The following SLC13A4 variants were observed in gnomAD, a reference collection of about 807,000 sequenced individuals.
SLC13A4 encodes solute carrier family 13 member 4, also known as Na(+)/sulfate cotransporter SUT-1.
A neutral mutation model predicts 72.7 loss-of-function variants in SLC13A4; 28 were observed. The ratio of observed to expected loss-of-function variants is 0.39; its 90% CI spans 0.29 to 0.53. The LOEUF (loss-of-function observed/expected upper bound fraction) is 0.53, where lower values mean the gene tolerates loss of function less well. Among genes scored for constraint, SLC13A4 ranks in the 20% least tolerant of loss-of-function variants. The pLI is 0.78. For missense variants in SLC13A4, 653 were observed against 788.0 expected, an observed-to-expected ratio of 0.83 and a Z score of 2.05; for synonymous variants, 312 against 325.5, an observed-to-expected ratio of 0.96 and a Z score of 0.45.
intron 5 of SLC13A4, 166 bp downstream of exon 5, chr7:135,705,430 T>C (rs1584730274): frequency 3.8e-6 from 2 of 523,040 alleles, no homozygotes; most frequent in East Asian, 3.1e-5. Context: ...CTCCTAGGTA[T>C]GGAGAGGAAA....
chr7:135,720,577 A>G (rs1374071883), intron 2 of SLC13A4, among the ~76,000 whole-genome samples: 1 of 150,850 alleles, frequency 6.6e-6, no homozygotes, highest in Non-Finnish European at 1.5e-5. Context: ...AAAAAAAACC[A>G]AAAACAAAAC....
At chr7:135,715,134 T>A (rs547686528) in intron 2 of SLC13A4, among the ~76,000 whole-genome samples, 98 of 151,558 alleles carry the variant, frequency 6.5e-4, no homozygotes, top group Non-Finnish European at 1.0e-3. Flanking sequence ...TGTATGCGTG[T>A]GTGAGAATGT....
intron 2 of SLC13A4, among the ~76,000 whole-genome samples, chr7:135,720,090 T>C (rs1054528721): frequency 6.6e-6 from 1 of 152,104 alleles, no homozygotes; most frequent in Non-Finnish European, 1.5e-5. Flanking sequence ...TATTAGAGGA[T>C]TGCCTAATTC....
rs139276749 is a variant in SLC13A4 at position 135,721,496 on chromosome 7, C to G, written c.127G>C (p.Val43Leu). ...SEASCAYVLI[V>L]TAVYWVSEAV... The stretch of plus-strand genomic sequence containing the variant: ...TCCGACACCCAGTACACAGCAGTCA[C>G]GATCAGCACGTAAGCACACGAGGCC... Residue 43 changes from valine (V) to leucine (L), a missense_variant, in exon 2 of 16, where the codon GTG becomes CTG. Physicochemically the swap from Val to Leu is conservative, Grantham distance 32. Transcript: ENST00000682651. The G allele has an allele frequency of 1.2e-6, 2 of 1,614,044 alleles. No homozygotes were observed. Among genetic ancestry groups the G allele is most frequent in the Non-Finnish European group, 1.7e-6 (2 of 1,179,956 alleles).
chr7:135,702,618 C>T lies in SLC13A4; in HGVS notation c.633+227G>A, dbSNP rs151198132. The T allele has an allele frequency of 4.8e-4, 241 of 499,824 alleles. 1 individual carries two copies. The East Asian group carries it at 8.8e-3, about 18-fold the overall frequency. The allele number at this position is 499,824 out of a possible 1,614,324, so 31.0% of individuals were successfully genotyped here. The stretch of plus-strand genomic sequence containing the variant: ...CTTGAACTCCTGGCCTCAAGTGGTC[C>T]TCCTGCTGTGGCCTCCCAAAGTGCT... On this transcript the variant is annotated intron_variant, in intron 6 of 15. Coordinates refer to ENST00000682651, the MANE Select transcript of SLC13A4 (RefSeq NM_001318192.2).
rs778755833 is a variant in SLC13A4 at position 135,685,702 on chromosome 7, C to T, written c.1447-19G>A. On this transcript the variant is annotated intron_variant, in intron 13 of 15. Transcript: ENST00000682651. ...CAGAGCTCTGTAGGAAGAGGTGTTA[C>T]AGTAAGAAGAAAGGAGAAGAAGCAC... 3 of 1,600,294 alleles carry T rather than the reference C, an allele frequency of 1.9e-6. No homozygotes were observed. The Admixed American group carries it at 5.0e-5, about 27-fold the overall frequency.
chr7:135,689,624 T>C (rs1795729041), intron 13 of SLC13A4, among the ~76,000 whole-genome samples: 2 of 152,288 alleles, frequency 1.3e-5, no homozygotes, highest in Admixed American at 6.5e-5. Context: ...ATAATTATTA[T>C]CTAGGAGAGG....
In SLC13A4 at chr7:135,681,506, C is replaced by G; in HGVS notation, c.*57G>C. The G allele has an allele frequency of 1.3e-6, 2 of 1,577,342 alleles. No homozygotes were observed. The highest frequency in any genetic ancestry group is 1.7e-6 in the Non-Finnish European group (2 of 1,158,354). ...CCTAGTGGTTTTCTTTGCCTGTGGT[C>G]CAGATACTGCTGGATACTGGCAGCT... is the stretch of plus-strand genomic sequence containing the variant. On this transcript the variant is annotated 3_prime_UTR_variant, in exon 16 of 16. Coordinates refer to ENST00000682651, the MANE Select transcript of SLC13A4 (RefSeq NM_001318192.2).
At chr7:135,715,266 TGTGTATGA>T (rs1019983492) in intron 2 of SLC13A4, among the ~76,000 whole-genome samples, 17 of 150,992 alleles carry the variant, frequency 1.1e-4, no homozygotes, top group South Asian at 8.4e-4. Context: ...AGTGTGGGCA[TGTGTATGA>T]GTGTATGAGT....
intron 15 of SLC13A4, chr7:135,683,842 C>T: frequency 3.2e-6 from 3 of 945,720 alleles, no homozygotes; most frequent in East Asian, 1.2e-4. Flanking sequence ...TGCACAGGCT[C>T]ATGCCTTCTG....
chr7:135,691,714 G>A, intron 11 of SLC13A4, 69 bp from the exon 12 acceptor site: 1 of 1,106,438 alleles, frequency 9.0e-7, no homozygotes, highest in Non-Finnish European at 1.4e-6. Context: ...ATGTCTCGGA[G>A]CAGTCTGTCC....
chr7:135,696,058 G>A (rs954968515), intron 8 of SLC13A4, among the ~76,000 whole-genome samples: 1 of 152,222 alleles, frequency 6.6e-6, no homozygotes, highest in Non-Finnish European at 1.5e-5. Context: ...AGGCAGAGCT[G>A]TGGCCCCTCA....
intron 5 of SLC13A4, chr7:135,703,198 A>G (rs2129494608): frequency 2.8e-6 from 1 of 362,164 alleles, no homozygotes; most frequent in Non-Finnish European, 5.1e-6. Context: ...ACCCCCAGAC[A>G]TTGTTAATCC....
chr7:135,681,434 G>C lies in SLC13A4; in HGVS notation c.*129C>G, dbSNP rs1484003333. 8.6e-7 allele frequency: 1 copy of C among 1,168,694 alleles called. No homozygotes were observed. The highest frequency in any genetic ancestry group is 1.2e-6 in the Non-Finnish European group (1 of 838,186). 72.4% of individuals were successfully genotyped at this position (1,168,694 alleles called of 1,614,324 possible). On this transcript the variant is annotated 3_prime_UTR_variant, in exon 16 of 16. Transcript: ENST00000682651. ...CTTGAGGTGGCGGAATCTTCTGGTGGAGGGATGCCCTCCGGCGTGGGTCTG... is the reference window on the plus strand; with the variant it reads ...CTTGAGGTGGCGGAATCTTCTGGTGCAGGGATGCCCTCCGGCGTGGGTCTG...
chr7:135,701,633 A>G (rs997142762), intron 7 of SLC13A4, 47 bp downstream of exon 7: 4 of 1,581,686 alleles, frequency 2.5e-6, no homozygotes, highest in Middle Eastern at 1.7e-4. Context: ...GAAGCAGTTC[A>G]CAGCGTTTCA....
At chr7:135,713,665 C>T (rs1372402665) in intron 2 of SLC13A4, among the ~76,000 whole-genome samples, 3 of 152,108 alleles carry the variant, frequency 2.0e-5, no homozygotes, top group East Asian at 3.9e-4. Flanking sequence ...GCAACCTTGG[C>T]CTTACAGGTT....
intron 13 of SLC13A4, 81 bp from the exon 14 acceptor site, chr7:135,685,764 G>T: frequency 7.6e-7 from 1 of 1,312,880 alleles, no homozygotes; most frequent in Non-Finnish European, 1.1e-6. Flanking sequence ...GAAGGTCAGG[G>T]ATGTTGGAAG....
At chr7:135,703,749 A>T (rs1381370216) in intron 5 of SLC13A4, 2 of 152,274 alleles carry the variant, frequency 1.3e-5, no homozygotes, top group South Asian at 2.1e-4. Context: ...CACATGCGGG[A>T]TGTGGGTCCT....
chr7:135,688,867 T>G (rs1356230743), intron 13 of SLC13A4: 1 of 152,114 alleles, frequency 6.6e-6, no homozygotes, highest in Non-Finnish European at 1.5e-5. Context: ...TATTGTTTTT[T>G]TTTTGTTTTT....
Sources: allele counts gnomAD v4.1 joint callset (sites outside exome capture counted in the v4.1 genomes callset), GRCh38; gene constraint gnomAD v4.1.1; transcripts MANE v1.5; gene names NCBI Gene and HGNC (gene_info 2026-07-23, HGNC 2026-07-21).